Variants in CUBN observed in about 807,000 individuals in gnomAD.
The protein encoded by CUBN is 460 kDa receptor.
Under a neutral mutation model 405.3 loss-of-function variants are expected in CUBN, and 282 were observed. That is an observed-to-expected ratio of 0.70 (90% CI 0.63 to 0.77). The LOEUF (loss-of-function observed/expected upper bound fraction) is 0.77, where lower values mean the gene tolerates loss of function less well. CUBN is among the 30% of genes least tolerant of loss of function. The pLI, the probability that CUBN is intolerant of heterozygous loss-of-function variation, is 0.00. For missense variants in CUBN, 4,514 were observed against 4,475.2 expected (o/e 1.01, Z -0.25); for synonymous variants, 1,684 against 1,617.0 (o/e 1.04, Z -0.99).
chr10:16,851,933 T>C (rs1839709456), intron 59 of CUBN, among the ~76,000 whole-genome samples: 1 of 105,042 alleles, frequency 9.5e-6, no homozygotes. Context: ...TCCCTCTATC[T>C]TTCCCTCCCT....
At chr10:16,866,484 G>A (rs932461074) in intron 59 of CUBN, among the ~76,000 whole-genome samples, 3 of 152,152 alleles carry the variant, frequency 2.0e-5, no homozygotes, top group Admixed American at 6.5e-5. Flanking sequence ...AGGACAGAAG[G>A]TACTTAAAAG....
intron 22 of CUBN, among the ~76,000 whole-genome samples, chr10:17,049,624 T>C (rs2131824765): frequency 6.6e-6 from 1 of 152,306 alleles, no homozygotes; most frequent in South Asian, 2.1e-4. Flanking sequence ...AAGCTTCTTT[T>C]CTGTTGCTGG....
chr10:17,123,739 C>CAAAACGCATGTTACCGTGCACG, intron 4 of CUBN, 50 bp from the exon 5 acceptor site: 1 of 1,304,060 alleles, frequency 7.7e-7, no homozygotes, highest in Admixed American at 1.7e-5. Context: ...TCAGCAGCAA[C>CAAAACGCATGTTACCGTGCACG]AAAACGCATG....
chr10:16,902,111 A>C (rs1320577754), intron 51 of CUBN, among the ~76,000 whole-genome samples: 1 of 136,034 alleles, frequency 7.4e-6, no homozygotes, highest in African/African-American at 2.7e-5. Context: ...ACACACACAC[A>C]CCATATATAG....
intron 22 of CUBN, among the ~76,000 whole-genome samples, chr10:17,060,944 G>C (rs532573514): frequency 1.6e-4 from 24 of 152,262 alleles, no homozygotes; most frequent in African/African-American, 5.8e-4. Flanking sequence ...AGCTACTTGG[G>C]AGGCTGAGGC....
At chr10:16,827,919 A>G (rs1588562662) in intron 66 of CUBN, among the ~76,000 whole-genome samples, 1 of 152,204 alleles carries the variant, frequency 6.6e-6, no homozygotes, top group African/African-American at 2.4e-5. Flanking sequence ...CTTGCACATC[A>G]AATGAGAGGA....
At chr10:16,847,963 A>G (rs894538709) in intron 60 of CUBN, among the ~76,000 whole-genome samples, 3 of 152,236 alleles carry the variant, frequency 2.0e-5, no homozygotes, top group Admixed American at 1.3e-4. Context: ...GAAAGCTCCA[A>G]GCTCCACATT....
At chr10:17,127,150 T>A (rs1395378733) in intron 3 of CUBN, among the ~76,000 whole-genome samples, 2 of 152,070 alleles carry the variant, frequency 1.3e-5, no homozygotes, top group African/African-American at 4.8e-5. Flanking sequence ...CAGCAAGGCT[T>A]CTTTTCTTTC....
chr10:16,984,458 G>A (rs936319989), intron 29 of CUBN, among the ~76,000 whole-genome samples, 179 bp from the exon 30 acceptor site: 1 of 152,154 alleles, frequency 6.6e-6, no homozygotes, highest in Non-Finnish European at 1.5e-5. Flanking sequence ...GGCACTCCCT[G>A]TGCCTTAGGA....
At position 16,907,690 on chromosome 10, in the gene CUBN, AAG is replaced by A. The variant is rs1564417014; in HGVS notation, c.7534-13_7534-12del. ...AATGCCATTGAATACCTGTTGGAAA[AAG>A]AGTTTAACCTTCAGGCACACAATCC... On this transcript the variant is annotated splice_polypyrimidine_tract_variant and intron_variant, in intron 48 of 66. Coordinates refer to ENST00000377833, the MANE Select transcript of CUBN (RefSeq NM_001081.4). 3 of 1,611,818 alleles carry A rather than the reference AAG, an allele frequency of 1.9e-6. No individual in the cohort carries two copies. Among genetic ancestry groups the A allele is most frequent in the Non-Finnish European group, 2.5e-6 (3 of 1,179,714 alleles).
rs1358938905 is a variant in CUBN, at chr10:16,968,007, AAG to A, written c.4696-13461_4696-13460del. ...AGAGAGGAAAAGAGAGAGAGAGGAA[AAG>A]AGAGGGAGAGAGGAAGAGGAGGGGA... On this transcript the variant is annotated intron_variant, in intron 31 of 66. Coordinates refer to ENST00000377833, the MANE Select transcript of CUBN (RefSeq NM_001081.4). 7.7e-5 allele frequency among the ~76,000 whole-genome samples: 10 copies of A among 129,516 alleles called. No individual in the cohort carries two copies. The South Asian group carries it at 2.3e-3, about 30-fold the overall frequency. 85.0% of individuals were successfully genotyped at this position (129,516 alleles called of 152,430 possible). A position where few individuals can be genotyped will look rare whatever the true frequency, so the allele number is the denominator to read the frequency against.
chr10:16,866,524 T>G (rs1220016816), intron 59 of CUBN, among the ~76,000 whole-genome samples: 2 of 152,212 alleles, frequency 1.3e-5, no homozygotes, highest in Non-Finnish European at 2.9e-5. Context: ...CCATGCCCAC[T>G]TAGCCAAATC....
At chr10:16,902,223 A>G (rs1841413677) in intron 51 of CUBN, among the ~76,000 whole-genome samples, 1 of 135,446 alleles carries the variant, frequency 7.4e-6, no homozygotes, top group Non-Finnish European at 1.5e-5. Flanking sequence ...TATAGTATAT[A>G]TATGTATATA....
intron 54 of CUBN, among the ~76,000 whole-genome samples, chr10:16,891,445 A>G (rs192430202): frequency 2.6e-5 from 4 of 152,240 alleles, no homozygotes; most frequent in Non-Finnish European, 5.9e-5. Context: ...GAAGAGAGAG[A>G]AAACCAAGGA....
intron 28 of CUBN, among the ~76,000 whole-genome samples, chr10:17,018,441 A>G (rs12220420): frequency 0.34 from 51,514 of 151,924 alleles, 9,016 homozygotes; most frequent in East Asian, 0.6. Flanking sequence ...AGATGCGTCC[A>G]CAGTTTTTTC....
intron 43 of CUBN, 65 bp from the exon 44 acceptor site, chr10:16,920,202 A>C: frequency 6.6e-7 from 1 of 1,506,316 alleles, no homozygotes; most frequent in South Asian, 1.1e-5. Context: ...ATGGCCACAA[A>C]TCATCTTTTA....
chr10:16,893,860 T>C (rs1357738821), intron 54 of CUBN, among the ~76,000 whole-genome samples: 1 of 152,214 alleles, frequency 6.6e-6, no homozygotes, highest in Non-Finnish European at 1.5e-5. Flanking sequence ...ATAGTTTTCA[T>C]TTCTCTCGGA....
Position 16,896,858 on chromosome 10 carries a change from A to AT in CUBN, c.8598+2137dup, listed in dbSNP as rs369171483. On this transcript the variant is annotated intron_variant, in intron 54 of 66. Transcript: ENST00000377833. Reference sequence around the variant, plus strand: ...TCTAGTTTGTTTGTTTTTTCAGTCTATTTTCTCTTTATTGTGCAGACTGGG... The same window carrying AT: ...TCTAGTTTGTTTGTTTTTTCAGTCTATTTTTCTCTTTATTGTGCAGACTGGG... Among the ~76,000 whole-genome samples, 981 of 151,842 alleles carry AT rather than the reference A, an allele frequency of 6.5e-3. 5 individuals are homozygous for AT. The highest frequency in any genetic ancestry group is 8.1e-3 in the Non-Finnish European group (548 of 67,928).
intron 31 of CUBN, among the ~76,000 whole-genome samples, chr10:16,969,824 G>C (rs1214565509): frequency 6.6e-6 from 1 of 152,186 alleles, no homozygotes; most frequent in Non-Finnish European, 1.5e-5. Context: ...TCCCAGAAGA[G>C]TATGGGGATA....
Sources: allele counts gnomAD v4.1 joint callset (sites outside exome capture counted in the v4.1 genomes callset), GRCh38; gene constraint gnomAD v4.1.1; transcripts MANE v1.5; gene names NCBI Gene and HGNC (gene_info 2026-07-23, HGNC 2026-07-21).